MAPK10: variants seen among roughly 807,000 people sequenced by gnomAD.
MAPK10 encodes the protein JNK3 alpha protein kinase.
A neutral mutation model predicts 59.3 loss-of-function variants in MAPK10; 25 were observed. That is an observed-to-expected ratio of 0.42 (90% confidence interval 0.31 to 0.59). MAPK10 has a LOEUF of 0.59. MAPK10 is among the 20% of genes least tolerant of loss of function. The pLI is 0.15. For missense variants in MAPK10, 351 were observed against 568.9 expected (o/e 0.62, Z 3.90); for synonymous variants, 190 against 200.5 (o/e 0.95, Z 0.44).
rs919585486 is a variant in MAPK10 at position 86,284,371 on chromosome 4, C to A, written c.-7+70159G>T. ...GAGAGCTGCGCATGCTCGGTCCATT[C>A]CTTGCCTGGGAAAATTGATTCACTT... On this transcript the variant is annotated intron_variant, in intron 2 of 13. Transcript: ENST00000641462. 3.9e-5 allele frequency among the ~76,000 whole-genome samples: 6 copies of A among 152,182 alleles called. No homozygotes were observed. The East Asian group carries it at 1.2e-3, about 29-fold the overall frequency.
At chr4:86,512,470 CT>C (rs1756353974) in intron 1 of MAPK10, among the ~76,000 whole-genome samples, 1 of 152,174 alleles carries the variant, frequency 6.6e-6, no homozygotes, top group Admixed American at 6.5e-5. Flanking sequence ...CCCCAAAAAC[CT>C]TAAGATGGTA....
At chr4:86,432,487 C>T (rs1445364003) in intron 1 of MAPK10, among the ~76,000 whole-genome samples, 1 of 152,144 alleles carries the variant, frequency 6.6e-6, no homozygotes, top group African/African-American at 2.4e-5. Context: ...ACCACGTTGG[C>T]TACGTTGGTC....
chr4:86,035,261 C>T (rs1035990103), intron 11 of MAPK10, among the ~76,000 whole-genome samples: 1 of 150,074 alleles, frequency 6.7e-6, no homozygotes, highest in Admixed American at 6.7e-5. Flanking sequence ...ATCCCAGCTA[C>T]TCGGGAGGCT....
chr4:86,412,619 A>G (rs1745332238), intron 1 of MAPK10, among the ~76,000 whole-genome samples: 1 of 151,926 alleles, frequency 6.6e-6, no homozygotes, highest in Non-Finnish European at 1.5e-5. Flanking sequence ...TTTTTTCTCT[A>G]ATCTTGTCTT....
At chr4:86,500,857 A>T (rs1755250604) in intron 1 of MAPK10, among the ~76,000 whole-genome samples, 1 of 152,158 alleles carries the variant, frequency 6.6e-6, no homozygotes, top group African/African-American at 2.4e-5. Context: ...ATGGATACAC[A>T]TTAGGTAAAA....
chr4:86,513,852 A>G (rs1486365361), intron 1 of MAPK10, among the ~76,000 whole-genome samples: 1 of 152,168 alleles, frequency 6.6e-6, no homozygotes, highest in Non-Finnish European at 1.5e-5. Context: ...AAATTAACTT[A>G]ACAATGGATT....
At chr4:86,059,814 G>A (rs1258422044) in intron 11 of MAPK10, among the ~76,000 whole-genome samples, 2 of 152,060 alleles carry the variant, frequency 1.3e-5, no homozygotes, top group African/African-American at 2.4e-5. Flanking sequence ...TATAGCTGGA[G>A]TACAATTTCC....
At chr4:86,360,583 A>G (rs1252362914), upstream of MAPK10, among the ~76,000 whole-genome samples, 1 of 152,150 alleles carries the variant, frequency 6.6e-6, no homozygotes, top group Non-Finnish European at 1.5e-5. Flanking sequence ...TATCCACTAA[A>G]CCAAATTCAA....
At chr4:86,359,288 C>CTCTCTCTCTCTCTCTCTGTG (rs796310826) in intron 1 of MAPK10, among the ~76,000 whole-genome samples, 22 of 94,630 alleles carry the variant, frequency 2.3e-4, no homozygotes, top group South Asian at 1.1e-3. Flanking sequence ...CTCTCTCTCT[C>CTCTCTCTCTCTCTCTCTGTG]TGTGTGTGTG....
intron 2 of MAPK10, among the ~76,000 whole-genome samples, chr4:86,309,304 C>T (rs138947369): frequency 9.2e-4 from 140 of 152,276 alleles, no homozygotes; most frequent in Admixed American, 1.6e-3. Flanking sequence ...GCCTTTCCAT[C>T]GCTGGGGCAG....
chr4:86,010,528 T>C lies in MAPK10; in HGVS notation c.*6700A>G, dbSNP rs1015083237. The C allele has an allele frequency of 5.2e-4, 79 of 152,320 alleles. No individual in the cohort carries two copies. The highest frequency in any genetic ancestry group is 1.8e-3 in the African/African-American group (75 of 41,584). The allele number at this position is 152,320 out of a possible 1,614,324, so 9.4% of individuals were successfully genotyped here. A position where few individuals can be genotyped will look rare whatever the true frequency, so the allele number is the denominator to read the frequency against. ...TAAATTAATGAACTGCTTTAGAATG[T>C]TGCTCAGAAATTAAGCTAGAAATTC... On this transcript the variant is annotated 3_prime_UTR_variant, in exon 14 of 14. Transcript: ENST00000641462.
intron 1 of MAPK10, among the ~76,000 whole-genome samples, chr4:86,458,591 TA>T (rs1458836278): frequency 6.6e-6 from 1 of 152,134 alleles, no homozygotes; most frequent in Admixed American, 6.5e-5. Context: ...TGTAATAGAA[TA>T]GAAAACCCAG....
intron 1 of MAPK10, among the ~76,000 whole-genome samples, chr4:86,458,490 A>T (rs1035199474): frequency 2.6e-5 from 4 of 152,104 alleles, no homozygotes; most frequent in Non-Finnish European, 5.9e-5. Flanking sequence ...ACAAATCTGG[A>T]CGCATCACAT....
rs1454937516 is a variant in MAPK10 at position 86,321,591 on chromosome 4, G to T, written c.-7+32939C>A. On this transcript the variant is annotated intron_variant, in intron 2 of 13. Coordinates refer to ENST00000641462, the MANE Select transcript of MAPK10 (RefSeq NM_138982.4). The stretch of plus-strand genomic sequence containing the variant: ...CACACTCTGGGGACTGTTGTGGGGT[G>T]GGGGGAGGGGGGAGGGATAGCTTTA... 6.8e-5 allele frequency among the ~76,000 whole-genome samples: 8 copies of T among 118,326 alleles called. No individual in the cohort carries two copies. The South Asian group carries it at 1.4e-3, about 20-fold the overall frequency. The allele number at this position is 118,326 out of a possible 152,430, so 77.6% of individuals were successfully genotyped here.
chr4:86,577,595 C>A (rs1040599870), intron 1 of MAPK10, among the ~76,000 whole-genome samples: 3 of 151,986 alleles, frequency 2.0e-5, no homozygotes, highest in Non-Finnish European at 4.4e-5. Context: ...ATTTATGTTT[C>A]TGATAGTTTA....
At chr4:86,519,234 T>A (rs1158856927) in intron 1 of MAPK10, among the ~76,000 whole-genome samples, 3 of 152,226 alleles carry the variant, frequency 2.0e-5, no homozygotes, top group Admixed American at 2.0e-4. Context: ...CCACTATTAT[T>A]GTGTTGGCAT....
intron 2 of MAPK10, among the ~76,000 whole-genome samples, chr4:86,345,094 T>C (rs1025217495): frequency 2.0e-5 from 3 of 152,150 alleles, no homozygotes; most frequent in African/African-American, 7.2e-5. Context: ...TAAATAAGAA[T>C]GGGCAGAATT....
chr4:86,155,933 C>T (rs1407164626), intron 4 of MAPK10, among the ~76,000 whole-genome samples: 1 of 151,888 alleles, frequency 6.6e-6, no homozygotes, highest in Non-Finnish European at 1.5e-5. Context: ...CACTAAGTGA[C>T]CAACAGGTGT....
intron 2 of MAPK10, among the ~76,000 whole-genome samples, chr4:86,236,547 A>G (rs1318056145): frequency 6.6e-6 from 1 of 152,236 alleles, no homozygotes; most frequent in Non-Finnish European, 1.5e-5. Context: ...AAGGGTCTTA[A>G]GAAGAGTGAT....
Sources: allele counts gnomAD v4.1 joint callset (sites outside exome capture counted in the v4.1 genomes callset), GRCh38; gene constraint gnomAD v4.1.1; transcripts MANE v1.5; gene names NCBI Gene and HGNC (gene_info 2026-07-23, HGNC 2026-07-21).